The following FBXW2 variants were observed in gnomAD, a reference collection of about 807,000 sequenced individuals.
The protein encoded by FBXW2 is F-box and WD repeat domain containing 2, also known as F-box/WD repeat-containing protein 2.
In FBXW2, 12 loss-of-function variants were observed where a neutral mutation model predicts 46.0. The observed-to-expected ratio is 0.26, with a 90% CI of 0.17 to 0.42. FBXW2 has a LOEUF of 0.42. FBXW2 is among the 10% of genes least tolerant of loss of function. FBXW2 has a pLI of 1.00. For missense variants in FBXW2, 360 were observed against 537.0 expected (o/e 0.67, Z 3.26); for synonymous variants, 203 against 209.6 (o/e 0.97, Z 0.27).
At position 120,783,783 on chromosome 9, in the gene FBXW2, T is replaced by C. The variant is rs113719808; in HGVS notation, c.490+3986A>G. ...AATATCTACTGAACAGCACAAAGCA[T>C]AATAGATTCCTTTCTTACCATTTCA... On this transcript the variant is annotated intron_variant, in intron 3 of 7. Transcript: ENST00000608872. Among the ~76,000 whole-genome samples the C allele has an allele frequency of 4.2e-3, 641 of 152,336 alleles. 4 individuals carry two copies. Among genetic ancestry groups the C allele is most frequent in the Admixed American group, 8.8e-3 (134 of 15,294 alleles).
At position 120,764,712 on chromosome 9, in the gene FBXW2, T is replaced by C. The variant is rs2044243694; in HGVS notation, c.1212A>G (p.Pro404=). ...TESLISRWPL[P]EYRKSKRGSS... The stretch of plus-strand genomic sequence containing the variant: ...AGCCTCTCTTTGATTTCCTGTACTC[T>C]GGCAGAGGCCAGCGACTAATCAGGC... The change falls in exon 8 of 8, where the codon CCA becomes CCG. Residue 404 remains proline, a synonymous_variant. Transcript: ENST00000608872. 6.2e-7 allele frequency: 1 copy of C among 1,614,218 alleles called. No individual in the cohort carries two copies. The highest frequency in any genetic ancestry group is 8.5e-7 in the Non-Finnish European group (1 of 1,180,042).
Position 120,778,514 on chromosome 9 carries a change from A to G in FBXW2, c.522T>C (p.Asp174=). The G allele has an allele frequency of 6.2e-7, 1 of 1,614,156 alleles. No homozygotes were observed. The change falls in exon 4 of 8, where the codon GAT becomes GAC. Residue 174 remains aspartate (D), a synonymous_variant. Transcript: ENST00000608872. ...GSDDLSAKLW[D]VSTGQCVYGI... is the part of the protein sequence containing the mutation. ...CATAAACGCACTGCCCTGTGCTCAC[A>G]TCCCACAGCTTTGCAGACAAGTCAT...
At position 120,764,190 on chromosome 9, in the gene FBXW2, T is replaced by C; in HGVS notation, c.*369A>G. 1 of 398,694 alleles carries C rather than the reference T, an allele frequency of 2.5e-6. No individual in the cohort carries two copies. Among genetic ancestry groups the C allele is most frequent in the Non-Finnish European group, 4.4e-6 (1 of 226,352 alleles). The allele number at this position is 398,694 out of a possible 1,614,324, so 24.7% of individuals were successfully genotyped here. Reference sequence around the variant, plus strand: ...AAAAGGCTATGGTAAAAAGCTTTAATAACAGACAATGTGATTTCATAGGCA... The same window carrying C: ...AAAAGGCTATGGTAAAAAGCTTTAACAACAGACAATGTGATTTCATAGGCA... On this transcript the variant is annotated 3_prime_UTR_variant, in exon 8 of 8. Transcript: ENST00000608872.
chr9:120,764,725 C>A lies in FBXW2; in HGVS notation c.1199G>T (p.Arg400Leu). ...TTTCCTGTACTCTGGCAGAGGCCAG[C>A]GACTAATCAGGCTCTCTGTCCGCAA... ...MDLRTESLISRWPLPEYRKSK... is the reference protein window; with the variant it reads ...MDLRTESLISLWPLPEYRKSK... Residue 400 changes from arginine to leucine, a missense_variant, in exon 8 of 8, where the codon CGC becomes CTC. Transcript: ENST00000608872. The A allele has an allele frequency of 1.9e-6, 3 of 1,614,186 alleles. No individual in the cohort carries two copies. Among genetic ancestry groups the A allele is most frequent in the Non-Finnish European group, 1.7e-6 (2 of 1,180,042 alleles).
At chr9:120,787,737 A>G (rs1483604034) in intron 3 of FBXW2, 32 bp downstream of exon 3, 1 of 1,575,486 alleles carries the variant, frequency 6.3e-7, no homozygotes, top group Non-Finnish European at 8.6e-7. Flanking sequence ...AATACAAAAC[A>G]AAACCCAAAA....
Position 120,793,389 on chromosome 9 carries a change from C to T in FBXW2, c.-165G>A, listed in dbSNP as rs527874191. On this transcript the variant is annotated 5_prime_UTR_variant, in exon 1 of 8. Coordinates refer to ENST00000608872, the MANE Select transcript of FBXW2 (RefSeq NM_012164.4). ...GGCCGCTGCTCCCGGTCCGCAGCCT[C>T]ACAGGGGAGCGGCTTCCGGTGCTGC... is the stretch of plus-strand genomic sequence containing the variant. 7.5e-6 allele frequency: 3 copies of T among 400,718 alleles called. No homozygotes were observed. Among genetic ancestry groups the T allele is most frequent in the African/African-American group, 6.2e-5 (3 of 48,748 alleles). 24.8% of individuals were successfully genotyped at this position (400,718 alleles called of 1,614,324 possible). A position where few individuals can be genotyped will look rare whatever the true frequency, so the allele number is the denominator to read the frequency against.
chr9:120,770,676 C>A (rs1321709954), intron 7 of FBXW2, among the ~76,000 whole-genome samples: 2 of 152,156 alleles, frequency 1.3e-5, no homozygotes, highest in African/African-American at 4.8e-5. Flanking sequence ...TATACTAAAT[C>A]ACACAGCCCA....
Position 120,771,442 on chromosome 9 carries a change from G to A in FBXW2, c.982C>T (p.Leu328=). ...CCATCAAAATGAAGTCTTGGCTGCA[G>A]GCAGATACTTCTATCCTCAGAGACA... The part of the protein sequence containing the change: ...LSVSEDRSIC[L]QPRLHFDGKY... Residue 328 remains leucine (L), a synonymous_variant, in exon 7 of 8, where the codon CTG becomes TTG. Coordinates refer to ENST00000608872, the MANE Select transcript of FBXW2 (RefSeq NM_012164.4). 6.2e-7 allele frequency: 1 copy of A among 1,614,172 alleles called. No individual in the cohort carries two copies. Among genetic ancestry groups the A allele is most frequent in the Admixed American group, 1.7e-5 (1 of 60,018 alleles).
chr9:120,788,454 A>G (rs2044767498), intron 2 of FBXW2, among the ~76,000 whole-genome samples, 176 bp from the exon 3 acceptor site: 1 of 152,224 alleles, frequency 6.6e-6, no homozygotes, highest in Non-Finnish European at 1.5e-5. Context: ...TTCCATGCAC[A>G]CAAAAGAAAA....
At chr9:120,789,771 A>G (rs2044796901) in intron 2 of FBXW2, among the ~76,000 whole-genome samples, 1 of 152,260 alleles carries the variant, frequency 6.6e-6, no homozygotes, top group South Asian at 2.1e-4. Flanking sequence ...GTAAGTGTCC[A>G]ATATCAAATT....
chr9:120,761,338 AC>A lies in FBXW2; in HGVS notation c.*3220del. ...GAAAGAAGCCGCTGGCTTCCACCAC[AC>A]CACAGTGTCACCCAAGAAATCCAAT... On this transcript the variant is annotated 3_prime_UTR_variant, in exon 8 of 8. Transcript: ENST00000608872. 1 of 152,270 alleles carries A rather than the reference AC, an allele frequency of 6.6e-6. No homozygotes were observed. The allele number at this position is 152,270 out of a possible 1,614,324, so 9.4% of individuals were successfully genotyped here.
intron 5 of FBXW2, 98 bp from the exon 6 acceptor site, chr9:120,772,938 G>A: frequency 1.3e-6 from 1 of 797,512 alleles, no homozygotes; most frequent in Non-Finnish European, 2.1e-6. Flanking sequence ...CTTAACATAT[G>A]CTAGAATAGC....
intron 3 of FBXW2, among the ~76,000 whole-genome samples, chr9:120,783,188 T>C (rs923075446): frequency 6.6e-6 from 1 of 152,046 alleles, no homozygotes; most frequent in African/African-American, 2.4e-5. Flanking sequence ...TAAAAAAAAA[T>C]AATAATAATC....
At chr9:120,781,677 T>TAC (rs1554808335) in intron 3 of FBXW2, among the ~76,000 whole-genome samples, 28 of 119,456 alleles carry the variant, frequency 2.3e-4, no homozygotes, top group South Asian at 6.3e-4. Flanking sequence ...CACACACACA[T>TAC]ACACACACAC....
At chr9:120,772,293 G>C (rs901309176) in intron 6 of FBXW2, among the ~76,000 whole-genome samples, 2 of 151,960 alleles carry the variant, frequency 1.3e-5, no homozygotes, top group African/African-American at 4.8e-5. Context: ...AGGAGTTCGA[G>C]ACCAGCCTGG....
At chr9:120,790,940 C>A (rs924345880) in intron 2 of FBXW2, among the ~76,000 whole-genome samples, 2 of 152,160 alleles carry the variant, frequency 1.3e-5, no homozygotes, top group South Asian at 2.1e-4. Context: ...ATTCTCCTAA[C>A]TCTTAATAAA....
rs1283570020 is a variant in FBXW2, at chr9:120,759,192, G to C, written c.*5367C>G. 1.3e-5 allele frequency: 2 copies of C among 152,170 alleles called. No individual in the cohort carries two copies. The highest frequency in any genetic ancestry group is 2.9e-5 in the Non-Finnish European group (2 of 68,022). The allele number at this position is 152,170 out of a possible 1,614,324, so 9.4% of individuals were successfully genotyped here. A position where few individuals can be genotyped will look rare whatever the true frequency, so the allele number is the denominator to read the frequency against. ...AAAGCAAGACAAAGTCTTAACTACA[G>C]AATATATTTTTAAGGAAATGCAGCT... On this transcript the variant is annotated 3_prime_UTR_variant, in exon 8 of 8. Coordinates refer to ENST00000608872, the MANE Select transcript of FBXW2 (RefSeq NM_012164.4).
chr9:120,768,723 G>A (rs954826065), intron 7 of FBXW2, among the ~76,000 whole-genome samples: 1 of 152,086 alleles, frequency 6.6e-6, no homozygotes, highest in Admixed American at 6.6e-5. Context: ...TCGGGAGGCT[G>A]AGGCAGGAGA....
rs1254458922 is a variant in FBXW2, at chr9:120,764,470, T to C, written c.*89A>G. The stretch of plus-strand genomic sequence containing the variant: ...GTGATGATACCATTAGGTGAGAACT[T>C]TGGTTCATGCAGTCGGCTGCCGCAG... On this transcript the variant is annotated 3_prime_UTR_variant, in exon 8 of 8. Coordinates refer to ENST00000608872, the MANE Select transcript of FBXW2 (RefSeq NM_012164.4). 2.1e-6 allele frequency: 3 copies of C among 1,417,794 alleles called. No individual in the cohort carries two copies. Among genetic ancestry groups the C allele is most frequent in the African/African-American group, 1.4e-5 (1 of 70,342 alleles). The allele number at this position is 1,417,794 out of a possible 1,614,324, so 87.8% of individuals were successfully genotyped here. A position where few individuals can be genotyped will look rare whatever the true frequency, so the allele number is the denominator to read the frequency against.
Sources: gnomAD v4.1 joint callset for allele counts (sites outside exome capture counted in the v4.1 genomes callset) on GRCh38, gnomAD v4.1.1 for gene constraint, MANE v1.5 for transcripts, NCBI Gene and HGNC (gene_info 2026-07-23, HGNC 2026-07-21) for gene names.